CSMD1: variants seen among roughly 807,000 people sequenced by gnomAD.
CSMD1 encodes CUB and Sushi multiple domains 1, also known as CUB and sushi domain-containing protein 1.
A neutral mutation model predicts 417.5 loss-of-function variants in CSMD1; 213 were observed. That is an observed-to-expected ratio of 0.51 (90% CI 0.46 to 0.57). The LOEUF (loss-of-function observed/expected upper bound fraction) is 0.57. Ranked by LOEUF, CSMD1 falls within the 20% of genes least tolerant of loss-of-function variation. The pLI is 0.00. For synonymous variants in CSMD1, 2,862 were observed against 1,736.8 expected, an observed-to-expected ratio of 1.65 and a Z score of -16.11; for missense variants, 6,923 against 4,529.7, an observed-to-expected ratio of 1.53 and a Z score of -15.17.
intron 41 of CSMD1, among the ~76,000 whole-genome samples, chr8:3,123,545 A>T (rs1234627549): frequency 6.6e-6 from 1 of 152,132 alleles, no homozygotes; most frequent in Non-Finnish European, 1.5e-5. Context: ...CTTTAAACGT[A>T]ATAAACTCTC....
intron 7 of CSMD1, among the ~76,000 whole-genome samples, chr8:3,659,781 C>G (rs1798317501): frequency 6.6e-6 from 1 of 152,112 alleles, no homozygotes; most frequent in Admixed American, 6.5e-5. Context: ...CTTGAATTCC[C>G]AATACGCAAT....
chr8:4,016,844 C>A (rs1335785234), intron 4 of CSMD1, among the ~76,000 whole-genome samples: 1 of 152,142 alleles, frequency 6.6e-6, no homozygotes, highest in Non-Finnish European at 1.5e-5. Flanking sequence ...TCATGTCTAT[C>A]AAAGACCAAG....
At chr8:4,940,298 A>G (rs1339025666) in intron 1 of CSMD1, among the ~76,000 whole-genome samples, 1 of 152,250 alleles carries the variant, frequency 6.6e-6, no homozygotes, top group Non-Finnish European at 1.5e-5. Context: ...GAGTAAAATG[A>G]TATGGCTTCA....
chr8:4,351,371 G>A (rs1801082498), intron 3 of CSMD1, among the ~76,000 whole-genome samples: 1 of 152,184 alleles, frequency 6.6e-6, no homozygotes, highest in South Asian at 2.1e-4. Context: ...TATTCGTCTT[G>A]TTCTCCTCTC....
chr8:4,928,041 T>C (rs970514407), intron 1 of CSMD1, among the ~76,000 whole-genome samples: 13 of 152,196 alleles, frequency 8.5e-5, no homozygotes, highest in South Asian at 4.1e-4. Flanking sequence ...CCTTCCCTGA[T>C]ACAGGATGCT....
intron 2 of CSMD1, among the ~76,000 whole-genome samples, chr8:4,438,501 T>C (rs1354916419): frequency 6.6e-6 from 1 of 152,184 alleles, no homozygotes; most frequent in East Asian, 1.9e-4. Flanking sequence ...CACCTGGCTG[T>C]AGGAAGATGC....
At chr8:3,956,182 G>A (rs558661375) in intron 5 of CSMD1, among the ~76,000 whole-genome samples, 1 of 152,298 alleles carries the variant, frequency 6.6e-6, no homozygotes, top group Admixed American at 6.5e-5. Flanking sequence ...GTACAATTTT[G>A]GGGTATTAAC....
chr8:2,990,076 G>C (rs1426069232), intron 54 of CSMD1, among the ~76,000 whole-genome samples: 1 of 152,196 alleles, frequency 6.6e-6, no homozygotes, highest in African/African-American at 2.4e-5. Flanking sequence ...CTGTGTGGAG[G>C]TAACTGGGAC....
intron 3 of CSMD1, among the ~76,000 whole-genome samples, chr8:4,360,576 G>A (rs76526819): frequency 6.6e-6 from 1 of 152,062 alleles, no homozygotes. Context: ...TGCAAGCTCC[G>A]CCTCCCAGGT....
At chr8:4,680,176 C>A (rs535275223) in intron 1 of CSMD1, among the ~76,000 whole-genome samples, 40 of 152,278 alleles carry the variant, frequency 2.6e-4, no homozygotes, top group Middle Eastern at 3.4e-3. Flanking sequence ...CAGACCTGTT[C>A]TTAGGAATTT....
At chr8:3,076,428 C>T (rs983007526) in intron 49 of CSMD1, among the ~76,000 whole-genome samples, 2 of 75,016 alleles carry the variant, frequency 2.7e-5, no homozygotes, top group Non-Finnish European at 5.6e-5. Context: ...TTCTAAGGTA[C>T]TGGCAGTTAG....
At chr8:3,500,528 C>T (rs965368995) in intron 10 of CSMD1, among the ~76,000 whole-genome samples, 2 of 152,176 alleles carry the variant, frequency 1.3e-5, no homozygotes, top group South Asian at 4.1e-4. Flanking sequence ...TGAGGATGAG[C>T]TGCAGTCTCT....
At chr8:3,694,648 G>A (rs772055116) in intron 7 of CSMD1, among the ~76,000 whole-genome samples, 3 of 151,974 alleles carry the variant, frequency 2.0e-5, no homozygotes, top group Non-Finnish European at 2.9e-5. Context: ...CTGGGTGGGT[G>A]GACACAGCAG....
At chr8:4,474,778 T>A (rs953745283) in intron 2 of CSMD1, among the ~76,000 whole-genome samples, 1 of 152,176 alleles carries the variant, frequency 6.6e-6, no homozygotes, top group Non-Finnish European at 1.5e-5. Flanking sequence ...CTCCCCAGCC[T>A]ACTCAGCATG....
intron 32 of CSMD1, among the ~76,000 whole-genome samples, chr8:3,200,843 T>G (rs78373690): frequency 2.0e-5 from 3 of 152,144 alleles, no homozygotes; most frequent in East Asian, 1.9e-4. Flanking sequence ...AATCTGAACA[T>G]TAATTGGTCA....
intron 5 of CSMD1, among the ~76,000 whole-genome samples, chr8:3,963,142 G>A (rs971182766): frequency 6.6e-6 from 1 of 152,116 alleles, no homozygotes; most frequent in Non-Finnish European, 1.5e-5. Flanking sequence ...ATGTTGGCTA[G>A]GCTTGACTCA....
At chr8:4,131,116 G>T (rs1267564504) in intron 3 of CSMD1, among the ~76,000 whole-genome samples, 1 of 152,136 alleles carries the variant, frequency 6.6e-6, no homozygotes, top group Non-Finnish European at 1.5e-5. Flanking sequence ...GAGAACCACT[G>T]CTTATTCATT....
chr8:4,711,571 GA>G (rs1443259520), intron 1 of CSMD1, among the ~76,000 whole-genome samples: 1 of 150,258 alleles, frequency 6.7e-6, no homozygotes, highest in African/African-American at 2.5e-5. Context: ...AGAGAAATTT[GA>G]AAAAAAAATA....
intron 2 of CSMD1, among the ~76,000 whole-genome samples, chr8:4,512,736 A>G (rs1320930539): frequency 6.6e-6 from 1 of 152,088 alleles, no homozygotes; most frequent in Non-Finnish European, 1.5e-5. Flanking sequence ...AGCAAAATAC[A>G]TACAAAATGT....
Sources: allele counts gnomAD v4.1 joint callset (sites outside exome capture counted in the v4.1 genomes callset), GRCh38; gene constraint gnomAD v4.1.1; transcripts MANE v1.5; gene names NCBI Gene and HGNC (gene_info 2026-07-23, HGNC 2026-07-21).